Variants in NTM observed in about 807,000 individuals in gnomAD.
NTM encodes neurotrimin, also known as IgLON family member 2.
NTM carries 13 observed loss-of-function variants against 42.1 expected under a neutral mutation model. The ratio of observed to expected loss-of-function variants is 0.31; its 90% CI spans 0.20 to 0.49. The LOEUF (loss-of-function observed/expected upper bound fraction) is 0.49. NTM is among the 20% of genes least tolerant of loss of function. The pLI is 0.99. For missense variants in NTM, 373 were observed against 452.8 expected, an observed-to-expected ratio of 0.82 and a Z score of 1.60; for synonymous variants, 187 against 179.2, an observed-to-expected ratio of 1.04 and a Z score of -0.35.
At chr11:132,261,844 C>T (rs2092876851) in intron 4 of NTM, among the ~76,000 whole-genome samples, 1 of 152,170 alleles carries the variant, frequency 6.6e-6, no homozygotes, top group African/African-American at 2.4e-5. Flanking sequence ...TGACTAGTCA[C>T]AGTGGGGAAA....
chr11:131,520,777 T>A (rs1238597529), intron 1 of NTM, among the ~76,000 whole-genome samples: 1 of 152,088 alleles, frequency 6.6e-6, no homozygotes, highest in Admixed American at 6.5e-5. Context: ...CTCCAAAACC[T>A]ACCTACTCAG....
At chr11:131,481,240 A>G (rs1218540235) in intron 1 of NTM, among the ~76,000 whole-genome samples, 2 of 152,220 alleles carry the variant, frequency 1.3e-5, no homozygotes, top group Non-Finnish European at 2.9e-5. Flanking sequence ...AGAGAAGTAG[A>G]GATTGAATTA....
rs542976849 is a variant in NTM, at chr11:131,429,647, G to A, written c.82+58759G>A. 2.6e-5 allele frequency among the ~76,000 whole-genome samples: 4 copies of A among 152,302 alleles called. No individual in the cohort carries two copies. The South Asian group carries it at 8.3e-4, about 32-fold the overall frequency. ...AGCCACTTAAATTGACAACTCTGGT[G>A]TTTCCATATATGCTATTTGAACACA... On this transcript the variant is annotated intron_variant, in intron 1 of 8. Transcript: ENST00000683400.
chr11:131,860,162 CA>C (rs1197037948), intron 1 of NTM, among the ~76,000 whole-genome samples: 1 of 152,166 alleles, frequency 6.6e-6, no homozygotes. Flanking sequence ...GAGGGAAGGA[CA>C]AGAGCTAGTG....
chr11:131,472,405 G>T (rs974952462), intron 1 of NTM, among the ~76,000 whole-genome samples: 2 of 152,218 alleles, frequency 1.3e-5, no homozygotes, highest in Admixed American at 6.5e-5. Flanking sequence ...CTGATCCCAT[G>T]AACAGAATAG....
chr11:132,192,365 A>G (rs2079450654), intron 3 of NTM, among the ~76,000 whole-genome samples: 1 of 152,234 alleles, frequency 6.6e-6, no homozygotes, highest in African/African-American at 2.4e-5. Context: ...TATTCTGAGC[A>G]TCCTAAAAGA....
intron 4 of NTM, among the ~76,000 whole-genome samples, chr11:132,306,989 G>A (rs571020059): frequency 2.4e-4 from 37 of 152,196 alleles, no homozygotes; most frequent in African/African-American, 8.7e-4. Context: ...AATGATTAGG[G>A]GACTGAGTGG....
chr11:131,987,445 C>G (rs947875752), intron 2 of NTM, among the ~76,000 whole-genome samples: 4 of 147,380 alleles, frequency 2.7e-5, no homozygotes, highest in Non-Finnish European at 4.5e-5. Flanking sequence ...TCATTCCAGC[C>G]CATCCCATCA....
chr11:131,653,226 C>CT (rs371848349), intron 1 of NTM, among the ~76,000 whole-genome samples: 90 of 150,048 alleles, frequency 6.0e-4, no homozygotes, highest in Admixed American at 1.2e-3. Flanking sequence ...TTGAGGTTAT[C>CT]TTTTTTTTTT....
intron 1 of NTM, among the ~76,000 whole-genome samples, chr11:131,514,031 G>C (rs1012675431): frequency 2.0e-5 from 3 of 152,038 alleles, no homozygotes; most frequent in Non-Finnish European, 4.4e-5. Context: ...GGCTTCACCA[G>C]GAGAAATTAT....
At chr11:132,255,564 A>G (rs889914662) in intron 4 of NTM, among the ~76,000 whole-genome samples, 11 of 152,238 alleles carry the variant, frequency 7.2e-5, no homozygotes, top group Admixed American at 2.0e-4. Context: ...ACCTTTCAGA[A>G]TGAAGCTCAC....
At chr11:132,307,607 A>AT (rs2095135377) in intron 4 of NTM, 82 bp from the exon 5 acceptor site, 1 of 1,579,418 alleles carries the variant, frequency 6.3e-7, no homozygotes, top group African/African-American at 1.3e-5. Context: ...AGACATAACC[A>AT]TTTTATACTT....
chr11:131,770,201 T>G (rs965493), intron 1 of NTM, among the ~76,000 whole-genome samples: 3 of 152,050 alleles, frequency 2.0e-5, no homozygotes, highest in Non-Finnish European at 4.4e-5. Context: ...TTCTAGTCAC[T>G]CGATTTGCCT....
At chr11:131,764,074 G>A (rs1334783075) in intron 1 of NTM, among the ~76,000 whole-genome samples, 1 of 151,984 alleles carries the variant, frequency 6.6e-6, no homozygotes, top group African/African-American at 2.4e-5. Context: ...TAATAATGAT[G>A]TATCAGAGTA....
chr11:132,306,668 A>G (rs1042378506), intron 4 of NTM, among the ~76,000 whole-genome samples: 23 of 152,302 alleles, frequency 1.5e-4, no homozygotes, highest in Non-Finnish European at 2.9e-4. Flanking sequence ...GCTAATAATC[A>G]TTAATTACTA....
chr11:131,463,681 C>CT (rs1951619481), intron 1 of NTM, among the ~76,000 whole-genome samples: 1 of 152,144 alleles, frequency 6.6e-6, no homozygotes. Flanking sequence ...ATTGTCCTAC[C>CT]TTTATAAACC....
chr11:132,101,643 A>C (rs2061644671), intron 2 of NTM, among the ~76,000 whole-genome samples: 1 of 151,974 alleles, frequency 6.6e-6, no homozygotes, highest in South Asian at 2.1e-4. Flanking sequence ...TGCAGGCCAG[A>C]AACCTAAGAC....
At chr11:131,737,939 A>T (rs1008601608) in intron 1 of NTM, among the ~76,000 whole-genome samples, 6 of 152,156 alleles carry the variant, frequency 3.9e-5, no homozygotes, top group Non-Finnish European at 8.8e-5. Context: ...ATGAAAATTA[A>T]TTTCTGGACA....
intron 1 of NTM, among the ~76,000 whole-genome samples, chr11:131,396,948 C>G (rs1404239150): frequency 6.6e-6 from 1 of 151,960 alleles, no homozygotes; most frequent in Admixed American, 6.6e-5. Flanking sequence ...CTTCTGGACT[C>G]TATATTTTTA....
Sources: gnomAD v4.1 joint callset for allele counts (sites outside exome capture counted in the v4.1 genomes callset) on GRCh38, gnomAD v4.1.1 for gene constraint, MANE v1.5 for transcripts, NCBI Gene and HGNC (gene_info 2026-07-23, HGNC 2026-07-21) for gene names.